TGFB2: variants seen among roughly 807,000 people sequenced by gnomAD.
TGFB2 encodes the protein transforming growth factor beta 2, also known as transforming growth factor beta-2 proprotein.
In TGFB2, 13 loss-of-function variants were observed where a neutral mutation model predicts 42.7. The observed-to-expected ratio is 0.30, with a 90% CI of 0.20 to 0.48. The LOEUF is 0.48. Ranked by LOEUF, TGFB2 falls within the 20% of genes least tolerant of loss-of-function variation. The pLI is 0.99. For missense variants in TGFB2, 390 were observed against 517.5 expected (o/e 0.75, Z 2.39); for synonymous variants, 193 against 193.6 (o/e 1.00, Z 0.03).
At chr1:218,429,620 A>G (rs975602035) in intron 2 of TGFB2, among the ~76,000 whole-genome samples, 1 of 152,200 alleles carries the variant, frequency 6.6e-6, no homozygotes, top group Non-Finnish European at 1.5e-5. Flanking sequence ...TAAGAATGGA[A>G]TTTCTGGATC....
chr1:218,348,181 A>C (rs888901006), intron 1 of TGFB2, among the ~76,000 whole-genome samples: 4 of 151,856 alleles, frequency 2.6e-5, no homozygotes, highest in African/African-American at 9.7e-5. Context: ...GGGTGGGGGG[A>C]ACCTCTTCAA....
intron 1 of TGFB2, among the ~76,000 whole-genome samples, chr1:218,382,295 T>G (rs1360739711): frequency 1.3e-5 from 2 of 152,178 alleles, no homozygotes; most frequent in Admixed American, 1.3e-4. Context: ...CTGGTACCTT[T>G]GCTTTTGGGG....
intron 2 of TGFB2, among the ~76,000 whole-genome samples, chr1:218,425,351 GTGC>G (rs1558257877): frequency 6.6e-6 from 1 of 152,020 alleles, no homozygotes; most frequent in African/African-American, 2.4e-5. Flanking sequence ...GGGATTACAG[GTGC>G]CAGCCACCAC....
At chr1:218,363,463 CA>C (rs1657285050) in intron 1 of TGFB2, 1 of 1,555,722 alleles carries the variant, frequency 6.4e-7, no homozygotes, top group Non-Finnish European at 8.9e-7. Flanking sequence ...ATAGTTATAT[CA>C]AATCCATCTT....
chr1:218,436,971 G>A (rs891271987), intron 5 of TGFB2, among the ~76,000 whole-genome samples: 1 of 152,180 alleles, frequency 6.6e-6, no homozygotes, highest in Admixed American at 6.5e-5. Flanking sequence ...ATTTGAAAGG[G>A]CAATAGAGGC....
chr1:218,418,127 G>C (rs188637542), intron 2 of TGFB2, among the ~76,000 whole-genome samples: 1 of 152,328 alleles, frequency 6.6e-6, no homozygotes, highest in East Asian at 1.9e-4. Flanking sequence ...TCCACCAACA[G>C]CTTGCACCGT....
chr1:218,400,626 T>C (rs1445377816), intron 1 of TGFB2, among the ~76,000 whole-genome samples: 2 of 152,170 alleles, frequency 1.3e-5, no homozygotes, highest in African/African-American at 4.8e-5. Context: ...AAAGAACTCA[T>C]TCATGTCACC....
intron 1 of TGFB2, among the ~76,000 whole-genome samples, chr1:218,365,237 C>T (rs1353192916): frequency 1.3e-5 from 2 of 151,968 alleles, no homozygotes; most frequent in African/African-American, 4.8e-5. Context: ...AAACTTTTCC[C>T]CCCTTTTTTG....
At chr1:218,357,550 CA>C (rs1657079438) in intron 1 of TGFB2, among the ~76,000 whole-genome samples, 1 of 152,224 alleles carries the variant, frequency 6.6e-6, no homozygotes, top group Admixed American at 6.5e-5. Context: ...ACCATCCCTT[CA>C]TTCTCTCAAA....
intron 1 of TGFB2, among the ~76,000 whole-genome samples, chr1:218,378,304 G>C: frequency 6.6e-6 from 1 of 152,156 alleles, no homozygotes; most frequent in Non-Finnish European, 1.5e-5. Flanking sequence ...AGCCTCTCGA[G>C]TAGTTGGGAT....
intron 2 of TGFB2, among the ~76,000 whole-genome samples, chr1:218,410,244 G>A (rs900173195): frequency 6.6e-6 from 1 of 152,172 alleles, no homozygotes; most frequent in Admixed American, 6.5e-5. Flanking sequence ...ACAATATGAG[G>A]CTGGATGGAC....
chr1:218,405,439 A>T (rs753653137), intron 2 of TGFB2, 107 bp downstream of exon 2: 6 of 1,577,850 alleles, frequency 3.8e-6, no homozygotes, highest in Non-Finnish European at 5.2e-6. Flanking sequence ...ATCACAGCTC[A>T]CTGCAACCTT....
At chr1:218,380,039 A>T (rs955093652) in intron 1 of TGFB2, among the ~76,000 whole-genome samples, 7 of 152,214 alleles carry the variant, frequency 4.6e-5, no homozygotes, top group Non-Finnish European at 7.3e-5. Flanking sequence ...TGGCAATAAT[A>T]GGTATTATTA....
intron 2 of TGFB2, among the ~76,000 whole-genome samples, chr1:218,431,920 G>A (rs1659819364): frequency 6.6e-6 from 1 of 152,216 alleles, no homozygotes. Flanking sequence ...GAGATGGACT[G>A]CTATTAAGCT....
chr1:218,437,616 C>A, intron 6 of TGFB2, 120 bp downstream of exon 6: 2 of 1,090,010 alleles, frequency 1.8e-6, no homozygotes, highest in Non-Finnish European at 2.4e-6. Flanking sequence ...TGTATGGGTA[C>A]TGGAGAAAAA....
At chr1:218,366,013 A>G (rs1657376028) in intron 1 of TGFB2, among the ~76,000 whole-genome samples, 1 of 152,216 alleles carries the variant, frequency 6.6e-6, no homozygotes, top group Non-Finnish European at 1.5e-5. Flanking sequence ...GCTTTAAATT[A>G]AATACCCTGG....
Position 218,441,372 on chromosome 1 carries a change from A to G in TGFB2, c.*10A>G, listed in dbSNP as rs1660145569. On this transcript the variant is annotated 3_prime_UTR_variant, in exon 7 of 7. Coordinates refer to ENST00000366930, the MANE Select transcript of TGFB2 (RefSeq NM_003238.6). Reference sequence around the variant, plus strand: ...TTGCAAATGCAGCTAAAATTCTTGGAAAAGTGGCAAGACCAAAATGACAAT... The same window carrying G: ...TTGCAAATGCAGCTAAAATTCTTGGGAAAGTGGCAAGACCAAAATGACAAT... 1 of 1,596,404 alleles carries G rather than the reference A, an allele frequency of 6.3e-7. No individual in the cohort carries two copies. Among genetic ancestry groups the G allele is most frequent in the Admixed American group, 1.8e-5 (1 of 54,956 alleles).
At chr1:218,360,559 C>T (rs1167241706) in intron 1 of TGFB2, among the ~76,000 whole-genome samples, 1 of 152,090 alleles carries the variant, frequency 6.6e-6, no homozygotes, top group East Asian at 1.9e-4. Flanking sequence ...CTAATGCATG[C>T]AGGGCTTGAT....
intron 1 of TGFB2, among the ~76,000 whole-genome samples, chr1:218,400,221 A>T (rs1176717247): frequency 1.3e-5 from 2 of 152,122 alleles, no homozygotes; most frequent in African/African-American, 4.8e-5. Context: ...CTTGTTCAAA[A>T]AAAAAAAGAA....
Sources: gnomAD v4.1 joint callset for allele counts (sites outside exome capture counted in the v4.1 genomes callset) on GRCh38, gnomAD v4.1.1 for gene constraint, MANE v1.5 for transcripts, NCBI Gene and HGNC (gene_info 2026-07-23, HGNC 2026-07-21) for gene names.